Variants in VPS28 observed in about 807,000 individuals in gnomAD.
VPS28 encodes vacuolar protein sorting-associated protein 28 homolog.
VPS28 carries 29 observed loss-of-function variants against 33.7 expected under a neutral mutation model. That is an observed-to-expected ratio of 0.86 (90% CI 0.64 to 1.17). The LOEUF (loss-of-function observed/expected upper bound fraction) is 1.17, where lower values mean the gene tolerates loss of function less well. VPS28 is among the 50% of genes most tolerant of loss of function. VPS28 has a pLI of 0.00. For synonymous variants in VPS28, 164 were observed against 116.7 expected (o/e 1.40, Z -2.61); for missense variants, 247 against 312.2 (o/e 0.79, Z 1.57).
intron 5 of VPS28, 32 bp downstream of exon 5, chr8:144,425,651 A>G (rs367971625): frequency 1.7e-5 from 27 of 1,611,276 alleles, no homozygotes; most frequent in Non-Finnish European, 2.0e-5. Flanking sequence ...CCCCCAGGGC[A>G]GGAACAGACC....
chr8:144,426,807 G>C (rs1376287967), intron 2 of VPS28, 102 bp downstream of exon 2: 1 of 1,344,422 alleles, frequency 7.4e-7, no homozygotes, highest in African/African-American at 1.5e-5. Context: ...CTGTACGAGA[G>C]CAGGGTCAGA....
Position 144,425,018 on chromosome 8 carries a change from T to C in VPS28, c.228A>G (p.Gln76=). ...YTAACSRLLV[Q]YKAAFRQVQG... ...GGACCTGCCTGAAGGCAGCTTTGTA[T>C]TGGACCAGGAGCCGGGAGCAGGCTG... Residue 76 remains glutamine (Q), a synonymous_variant, in exon 6 of 10, where the codon CAA becomes CAG. Coordinates refer to ENST00000292510, the MANE Select transcript of VPS28 (RefSeq NM_016208.4). 6.4e-7 allele frequency: 1 copy of C among 1,553,796 alleles called. No homozygotes were observed. The highest frequency in any genetic ancestry group is 8.7e-7 in the Non-Finnish European group (1 of 1,147,920).
At chr8:144,428,434 G>C (rs1238434552) in intron 1 of VPS28, 55 bp downstream of exon 1, 1 of 152,288 alleles carries the variant, frequency 6.6e-6, no homozygotes, top group Non-Finnish European at 1.5e-5. Context: ...GCCAGGCCCT[G>C]AGTCGCCTCT....
Position 144,423,889 on chromosome 8 carries a change from A to G in VPS28, c.582T>C (p.Asp194=). ...LQTLSGMSAS[D]ELDDSQVRQM... ...GACGCACCTGTGAGTCGTCCAGCTC[A>G]TCTGACGCCGACATGCCGCTCAGGG... The change falls in exon 10 of 10, where the codon GAT becomes GAC. Residue 194 remains aspartate (D), a synonymous_variant. Transcript: ENST00000292510. 1.2e-6 allele frequency: 2 copies of G among 1,613,116 alleles called. No homozygotes were observed.
At position 144,426,177 on chromosome 8, in the gene VPS28, C is replaced by A. The variant is rs201774890; in HGVS notation, c.66+3G>T. The A allele has an allele frequency of 6.2e-7, 1 of 1,607,108 alleles. No homozygotes were observed. ...GCCGGCCGGGTGGGCACCCACCACT[C>A]ACCTCATACAGCTCCGGCTTGTTCC... On this transcript the variant is annotated splice_donor_region_variant and intron_variant, in intron 3 of 9. Coordinates refer to ENST00000292510, the MANE Select transcript of VPS28 (RefSeq NM_016208.4).
chr8:144,427,985 C>T (rs1224506660), intron 1 of VPS28, among the ~76,000 whole-genome samples: 2 of 151,998 alleles, frequency 1.3e-5, no homozygotes, highest in African/African-American at 4.8e-5. Context: ...AGCGCTGAGC[C>T]GGCTAACTGG....
intron 2 of VPS28, chr8:144,426,457 G>A (rs113200981): frequency 2.0e-5 from 10 of 496,446 alleles, no homozygotes; most frequent in African/African-American, 6.2e-5. Context: ...GCGGCTCCCC[G>A]GGGGACCGCA....
intron 6 of VPS28, 41 bp downstream of exon 6, chr8:144,424,905 G>A (rs368404339): frequency 3.9e-5 from 62 of 1,607,696 alleles, no homozygotes; most frequent in African/African-American, 1.1e-4. Flanking sequence ...ACCCATGCCC[G>A]ACAGTCTCGC....
intron 1 of VPS28, among the ~76,000 whole-genome samples, chr8:144,427,454 ATG>A (rs1822854504): frequency 6.6e-6 from 1 of 152,154 alleles, no homozygotes; most frequent in South Asian, 2.1e-4. Context: ...GTGAGGTACT[ATG>A]GACACTCAGG....
rs782197523 is a variant in VPS28, at chr8:144,426,904, C to G, written c.37+5G>C. Reference sequence around the variant, plus strand: ...GAAAGCCTGCGCCCTTCCAGCCACACTCACCTCCTATGCCCGGCGTGGCTG... The same window carrying G: ...GAAAGCCTGCGCCCTTCCAGCCACAGTCACCTCCTATGCCCGGCGTGGCTG... On this transcript the variant is annotated splice_donor_5th_base_variant and intron_variant, in intron 2 of 9. Transcript: ENST00000292510. The G allele has an allele frequency of 2.5e-6, 4 of 1,612,744 alleles. No individual in the cohort carries two copies. The highest frequency in any genetic ancestry group is 3.4e-6 in the Non-Finnish European group (4 of 1,179,808).
At chr8:144,427,449 G>C (rs974205183) in intron 1 of VPS28, among the ~76,000 whole-genome samples, 2 of 152,176 alleles carry the variant, frequency 1.3e-5, no homozygotes, top group Non-Finnish European at 2.9e-5. Flanking sequence ...AAAAAGTGAG[G>C]TACTATGGAC....
At chr8:144,428,356 A>G (rs1195576548) in intron 1 of VPS28, 133 bp downstream of exon 1, 2 of 152,290 alleles carry the variant, frequency 1.3e-5, no homozygotes, top group African/African-American at 2.4e-5. Flanking sequence ...TTTCTAGAAC[A>G]TGCCAATAAC....
chr8:144,425,652 G>A, intron 5 of VPS28, 31 bp downstream of exon 5: 2 of 1,611,854 alleles, frequency 1.2e-6, no homozygotes. Flanking sequence ...CCCCAGGGCA[G>A]GAACAGACCT....
intron 7 of VPS28, 168 bp downstream of exon 7, chr8:144,424,550 G>A (rs782397504): frequency 7.0e-6 from 6 of 857,252 alleles, no homozygotes; most frequent in Middle Eastern, 3.5e-4. Context: ...GTGGCCTGGG[G>A]GCGTCCCCGC....
At chr8:144,426,643 G>C in intron 2 of VPS28, 1 of 505,180 alleles carries the variant, frequency 2.0e-6, no homozygotes, top group South Asian at 2.4e-5. Flanking sequence ...CTCTCCCCTG[G>C]GATTGGTGAC....
At chr8:144,426,126 C>T (rs781885581) in intron 3 of VPS28, 54 bp downstream of exon 3, 5 of 1,581,902 alleles carry the variant, frequency 3.2e-6, no homozygotes, top group Non-Finnish European at 4.3e-6. Context: ...CTGGTGAGGC[C>T]ACACAGGCAT....
At chr8:144,426,793 A>T in intron 2 of VPS28, 116 bp downstream of exon 2, 1 of 1,204,960 alleles carries the variant, frequency 8.3e-7, no homozygotes, top group Non-Finnish European at 1.2e-6. Context: ...GGCCACCCCC[A>T]AGGCTGTACG....
intron 7 of VPS28, 87 bp from the exon 8 acceptor site, chr8:144,424,355 A>C: frequency 6.7e-7 from 1 of 1,492,004 alleles, no homozygotes; most frequent in African/African-American, 1.4e-5. Flanking sequence ...CCTCAGCCAC[A>C]GCTGTCACTT....
chr8:144,424,159 C>A, intron 8 of VPS28, 27 bp from the exon 9 acceptor site: 1 of 1,553,754 alleles, frequency 6.4e-7, no homozygotes, highest in Non-Finnish European at 8.7e-7. Context: ...GGCTGGGACC[C>A]CGACGCCGGC....
Sources: allele counts gnomAD v4.1 joint callset (sites outside exome capture counted in the v4.1 genomes callset), GRCh38; gene constraint gnomAD v4.1.1; transcripts MANE v1.5; gene names NCBI Gene and HGNC (gene_info 2026-07-23, HGNC 2026-07-21).